The following GNG12 variants were observed in gnomAD, a reference collection of about 807,000 sequenced individuals.
The protein encoded by GNG12 is guanine nucleotide-binding protein G(I)/G(S)/G(O) subunit gamma-12.
For synonymous variants in GNG12, 28 were observed against 29.7 expected (o/e 0.94, Z 0.19); for missense variants, 69 against 83.8 (o/e 0.82, Z 0.69).
chr1:67,746,970 C>G, intron 2 of GNG12, among the ~76,000 whole-genome samples: 1 of 151,622 alleles, frequency 6.6e-6, no homozygotes, highest in Middle Eastern at 3.4e-3. Context: ...GGAGGCCATG[C>G]TATAATTCAC....
intron 2 of GNG12, among the ~76,000 whole-genome samples, chr1:67,717,843 T>C (rs1646335172): frequency 6.6e-6 from 1 of 152,232 alleles, no homozygotes; most frequent in African/African-American, 2.4e-5. Context: ...ACAGTGAACA[T>C]GTGCTTTTAT....
chr1:67,735,414 C>T (rs1156337563), intron 2 of GNG12, among the ~76,000 whole-genome samples: 2 of 152,188 alleles, frequency 1.3e-5, no homozygotes, highest in Non-Finnish European at 2.9e-5. Context: ...TGAGTGAATG[C>T]TGGCAAAGGG....
At chr1:67,782,863 T>A (rs752829461) in intron 1 of GNG12, among the ~76,000 whole-genome samples, 1 of 152,180 alleles carries the variant, frequency 6.6e-6, no homozygotes, top group Non-Finnish European at 1.5e-5. Context: ...CTGCTATTTA[T>A]TTTTGCATGT....
intron 1 of GNG12, among the ~76,000 whole-genome samples, chr1:67,793,795 T>C (rs778225555): frequency 3.3e-5 from 5 of 152,230 alleles, no homozygotes; most frequent in South Asian, 2.1e-4. Flanking sequence ...CCTCAAACAC[T>C]GTTTCACATG....
chr1:67,813,444 A>G, intron 1 of GNG12, among the ~76,000 whole-genome samples: 1 of 152,180 alleles, frequency 6.6e-6, no homozygotes, highest in East Asian at 1.9e-4. Context: ...AACATTGTTC[A>G]TTATGATTTT....
At chr1:67,726,679 G>A (rs1646388132) in intron 2 of GNG12, among the ~76,000 whole-genome samples, 1 of 152,206 alleles carries the variant, frequency 6.6e-6, no homozygotes, top group South Asian at 2.1e-4. Context: ...TAATTGTTTA[G>A]CTTTTTTCTA....
chr1:67,756,305 T>C (rs1361961108), intron 2 of GNG12, among the ~76,000 whole-genome samples: 1 of 152,106 alleles, frequency 6.6e-6, no homozygotes, highest in Non-Finnish European at 1.5e-5. Flanking sequence ...CATGATCAGG[T>C]CTGTAGTTTA....
chr1:67,826,616 CCTAGT>C (rs1336434336), intron 1 of GNG12, among the ~76,000 whole-genome samples: 21 of 152,262 alleles, frequency 1.4e-4, no homozygotes, highest in African/African-American at 3.6e-4. Flanking sequence ...AGCTCAGGCA[CCTAGT>C]CTAAAGGTTA....
At chr1:67,793,774 G>A (rs2100786800) in intron 1 of GNG12, among the ~76,000 whole-genome samples, 1 of 152,182 alleles carries the variant, frequency 6.6e-6, no homozygotes, top group South Asian at 2.1e-4. Flanking sequence ...CCTCCTCCCT[G>A]TCCCCTCCTT....
At chr1:67,784,926 G>A (rs2100774609) in intron 1 of GNG12, among the ~76,000 whole-genome samples, 1 of 152,292 alleles carries the variant, frequency 6.6e-6, no homozygotes, top group East Asian at 1.9e-4. Flanking sequence ...CCCTGTGAAT[G>A]AGCTGGGGAG....
chr1:67,779,776 AGGG>A (rs1448693610), intron 1 of GNG12, among the ~76,000 whole-genome samples: 1 of 152,194 alleles, frequency 6.6e-6, no homozygotes, highest in Non-Finnish European at 1.5e-5. Flanking sequence ...ATGAATTGTT[AGGG>A]GACTTCATCG....
At chr1:67,712,138 A>C (rs1211923733) in intron 2 of GNG12, among the ~76,000 whole-genome samples, 1 of 152,220 alleles carries the variant, frequency 6.6e-6, no homozygotes, top group Non-Finnish European at 1.5e-5. Flanking sequence ...ATATCTCCAA[A>C]TATCTCTGTG....
In GNG12 at chr1:67,704,430, GCAGAGAGAGCAAGA is replaced by G. The variant is rs1646233246; in HGVS notation, c.*1007_*1020del. ...GTAAGAGAAGAAAGACACAGGGAAG[GCAGAGAGAGCAAGA>G]CAGAGGGCTCAATCACAAAGCTGGG... is the stretch of plus-strand genomic sequence containing the variant. On this transcript the variant is annotated 3_prime_UTR_variant, in exon 4 of 4. Transcript: ENST00000370982. 6.6e-6 allele frequency: 1 copy of G among 152,278 alleles called. No homozygotes were observed. The highest frequency in any genetic ancestry group is 2.4e-5 in the African/African-American group (1 of 41,430). 9.4% of individuals were successfully genotyped at this position (152,278 alleles called of 1,614,324 possible).
At chr1:67,755,422 G>A (rs1456682247) in intron 2 of GNG12, among the ~76,000 whole-genome samples, 1 of 152,098 alleles carries the variant, frequency 6.6e-6, no homozygotes, top group East Asian at 1.9e-4. Context: ...TTTAGACTGT[G>A]GTCTTTTTAA....
intron 1 of GNG12, among the ~76,000 whole-genome samples, chr1:67,778,487 T>G (rs899095546): frequency 2.0e-5 from 3 of 152,208 alleles, no homozygotes; most frequent in African/African-American, 7.2e-5. Context: ...TCATCTATCA[T>G]TAGTCCCATT....
At chr1:67,770,024 TAG>T (rs1239841320) in intron 2 of GNG12, among the ~76,000 whole-genome samples, 1 of 152,086 alleles carries the variant, frequency 6.6e-6, no homozygotes, top group Non-Finnish European at 1.5e-5. Flanking sequence ...GGACCACTTT[TAG>T]AGTGTTAAAA....
At chr1:67,764,224 G>A (rs942347275) in intron 2 of GNG12, among the ~76,000 whole-genome samples, 6 of 152,148 alleles carry the variant, frequency 3.9e-5, no homozygotes, top group Non-Finnish European at 7.4e-5. Context: ...TGGAGGCAGT[G>A]CTCCAGGTAG....
intron 1 of GNG12, among the ~76,000 whole-genome samples, chr1:67,784,460 TAATA>T (rs2100773861): frequency 6.6e-6 from 1 of 151,524 alleles, no homozygotes; most frequent in Admixed American, 6.6e-5. Flanking sequence ...AAAACTTAAA[TAATA>T]AAAAAATTAA....
At chr1:67,788,329 T>G (rs1646781662) in intron 1 of GNG12, among the ~76,000 whole-genome samples, 2 of 151,980 alleles carry the variant, frequency 1.3e-5, no homozygotes, top group Admixed American at 1.3e-4. Context: ...CTTTTTTGAT[T>G]TGTTTTGTTT....
Sources: gnomAD v4.1 joint callset for allele counts (sites outside exome capture counted in the v4.1 genomes callset) on GRCh38, gnomAD v4.1.1 for gene constraint, MANE v1.5 for transcripts, NCBI Gene and HGNC (gene_info 2026-07-23, HGNC 2026-07-21) for gene names.